SPINK5: variants seen among roughly 807,000 people sequenced by gnomAD.
The protein encoded by SPINK5 is serine peptidase inhibitor Kazal type 5.
Under a neutral mutation model 151.8 loss-of-function variants are expected in SPINK5, and 125 were observed. The observed-to-expected ratio is 0.82, with a 90% CI of 0.71 to 0.96. The LOEUF (loss-of-function observed/expected upper bound fraction) is 0.96. SPINK5 is among the 40% of genes least tolerant of loss of function. SPINK5 has a pLI of 0.00. For missense variants in SPINK5, 1,194 were observed against 1,291.9 expected, an observed-to-expected ratio of 0.92 and a Z score of 1.16; for synonymous variants, 374 against 395.3, an observed-to-expected ratio of 0.95 and a Z score of 0.64.
intron 4 of SPINK5, among the ~76,000 whole-genome samples, chr5:148,076,679 G>T (rs536973266): frequency 1.3e-5 from 2 of 151,432 alleles, no homozygotes; most frequent in African/African-American, 4.8e-5. Flanking sequence ...ATGTATTCAG[G>T]ATACTAAAAA....
intron 4 of SPINK5, among the ~76,000 whole-genome samples, chr5:148,075,842 C>A (rs2127196289): frequency 6.6e-6 from 1 of 151,862 alleles, no homozygotes; most frequent in South Asian, 2.1e-4. Context: ...TCAGCAAAGG[C>A]ATTGCCATTG....
chr5:148,112,705 C>A (rs1753973452), intron 19 of SPINK5, among the ~76,000 whole-genome samples, 163 bp from the exon 20 acceptor site: 2 of 148,876 alleles, frequency 1.3e-5, no homozygotes, highest in African/African-American at 5.0e-5. Context: ...AACAAAAGGA[C>A]AAGAACAATG....
At chr5:148,099,134 C>A in intron 11 of SPINK5, 100 bp from the exon 12 acceptor site, 1 of 1,099,946 alleles carries the variant, frequency 9.1e-7, no homozygotes, top group Non-Finnish European at 1.3e-6. Flanking sequence ...CAAAATTGTT[C>A]CACTCTAAGG....
In SPINK5 at chr5:148,113,483, C is replaced by T. The variant is rs140859088; in HGVS notation, c.1887+549C>T. On this transcript the variant is annotated intron_variant, in intron 20 of 32. Transcript: ENST00000256084. ...TTGTTTTTGGATTACCACATTTGGTCAACACATGTGTTCCTTGCTTTACCT... is the reference window on the plus strand; with the variant it reads ...TTGTTTTTGGATTACCACATTTGGTTAACACATGTGTTCCTTGCTTTACCT... Among the ~76,000 whole-genome samples the T allele has an allele frequency of 2.9e-3, 448 of 152,256 alleles. 2 individuals carry two copies. Among genetic ancestry groups the T allele is most frequent in the African/African-American group, 0.01 (425 of 41,540 alleles).
Position 148,099,120 on chromosome 5 carries a change from G to A in SPINK5, c.1011-114G>A. 5.4e-6 allele frequency: 5 copies of A among 920,980 alleles called. No individual in the cohort carries two copies. The South Asian group carries it at 5.9e-5, about 11-fold the overall frequency. 57.1% of individuals were successfully genotyped at this position (920,980 alleles called of 1,614,324 possible). A position where few individuals can be genotyped will look rare whatever the true frequency, so the allele number is the denominator to read the frequency against. On this transcript the variant is annotated intron_variant, in intron 11 of 32. Transcript: ENST00000256084. ...CTTCTCATTGATATGCAGTGATAAA[G>A]GGACAAAATTGTTCCACTCTAAGGA...
chr5:148,078,774 T>G (rs1486660320), intron 4 of SPINK5, among the ~76,000 whole-genome samples: 1 of 150,816 alleles, frequency 6.6e-6, no homozygotes, highest in Non-Finnish European at 1.5e-5. Flanking sequence ...CTTACTGGAC[T>G]TGTCTAAAGC....
chr5:148,089,702 A>T (rs1357675540), intron 7 of SPINK5, 81 bp downstream of exon 7: 1 of 1,598,252 alleles, frequency 6.3e-7, no homozygotes, highest in Non-Finnish European at 8.6e-7. Context: ...GAGAGATAAA[A>T]TCCTTTTCAT....
chr5:148,080,278 G>A (rs6890477), intron 4 of SPINK5, among the ~76,000 whole-genome samples: 8,005 of 151,318 alleles, frequency 0.053, 694 homozygotes, highest in African/African-American at 0.18. Flanking sequence ...GTTCATAGAT[G>A]AGAAAACTCA....
intron 22 of SPINK5, among the ~76,000 whole-genome samples, chr5:148,117,544 TGA>T (rs1313223983): frequency 4.7e-4 from 72 of 152,290 alleles, no homozygotes; most frequent in African/African-American, 1.5e-3. Flanking sequence ...TCTGAATAAA[TGA>T]GTGAGGATGT....
chr5:148,072,268 C>T lies in SPINK5; in HGVS notation c.282+48C>T. The T allele has an allele frequency of 1.9e-6, 3 of 1,572,772 alleles. No individual in the cohort carries two copies. In the South Asian group the frequency reaches 3.3e-5, roughly 17 times the overall value. On this transcript the variant is annotated intron_variant, in intron 4 of 32. Transcript: ENST00000256084. Reference sequence around the variant, plus strand: ...TGTTTACTTTTGAGAGGATGTTTGACTCTATTTAGAGCTATCTGTTTATTC... The same window carrying T: ...TGTTTACTTTTGAGAGGATGTTTGATTCTATTTAGAGCTATCTGTTTATTC...
chr5:148,126,887 T>G (rs748520409), intron 29 of SPINK5, 96 bp from the exon 30 acceptor site: 5 of 1,072,064 alleles, frequency 4.7e-6, no homozygotes, highest in East Asian at 2.7e-5. Context: ...CTACCATGCC[T>G]GGCCTCTGTC....
At chr5:148,114,974 TATA>T (rs1227215079) in intron 21 of SPINK5, among the ~76,000 whole-genome samples, 1 of 152,202 alleles carries the variant, frequency 6.6e-6, no homozygotes, top group Non-Finnish European at 1.5e-5. Context: ...GTACAATGTG[TATA>T]ATGTGTATAA....
At chr5:148,073,856 ACACAC>A (rs1437003385) in intron 4 of SPINK5, among the ~76,000 whole-genome samples, 14 of 143,276 alleles carry the variant, frequency 9.8e-5, no homozygotes, top group African/African-American at 3.0e-4. Context: ...ACACACACAC[ACACAC>A]AAAACTGTAA....
At position 148,127,114 on chromosome 5, in the gene SPINK5, A is replaced by G. The variant is rs769234867; in HGVS notation, c.2964+35A>G. The G allele has an allele frequency of 8.9e-6, 14 of 1,569,626 alleles. No individual in the cohort carries two copies. The Admixed American group carries it at 1.2e-4, about 13-fold the overall frequency. On this transcript the variant is annotated intron_variant, in intron 30 of 32. Transcript: ENST00000256084. The stretch of plus-strand genomic sequence containing the variant: ...ACTATTTCTGAAAAGCTACTTATCA[A>G]TTTAATTTTCTTGATTTTTTTTGAC...
chr5:148,105,023 T>A (rs1176149901), intron 16 of SPINK5, 23 bp downstream of exon 16: 1 of 1,611,090 alleles, frequency 6.2e-7, no homozygotes, highest in South Asian at 1.1e-5. Flanking sequence ...GGAATGCTGA[T>A]GCTGTGCCCT....
intron 16 of SPINK5, among the ~76,000 whole-genome samples, chr5:148,106,510 A>C (rs1444161903): frequency 6.6e-6 from 1 of 151,310 alleles, no homozygotes; most frequent in Non-Finnish European, 1.5e-5. Context: ...TTTTATTTTG[A>C]ATTTTTCTGT....
At chr5:148,118,250 C>T (rs1341535449) in intron 22 of SPINK5, among the ~76,000 whole-genome samples, 187 bp from the exon 23 acceptor site, 1 of 152,158 alleles carries the variant, frequency 6.6e-6, no homozygotes, top group Non-Finnish European at 1.5e-5. Context: ...AACTCCTGAC[C>T]TCATGATCCA....
At chr5:148,111,387 G>A (rs1432937299) in intron 18 of SPINK5, among the ~76,000 whole-genome samples, 1 of 152,104 alleles carries the variant, frequency 6.6e-6, no homozygotes, top group Non-Finnish European at 1.5e-5. Context: ...TATCTGAAAA[G>A]CCCTTTTTGC....
intron 12 of SPINK5, among the ~76,000 whole-genome samples, chr5:148,100,070 T>G (rs1753595961): frequency 6.6e-6 from 1 of 152,134 alleles, no homozygotes; most frequent in Non-Finnish European, 1.5e-5. Context: ...CACTTTTTTT[T>G]GCCCAGTCAA....
Sources: allele counts gnomAD v4.1 joint callset (sites outside exome capture counted in the v4.1 genomes callset), GRCh38; gene constraint gnomAD v4.1.1; transcripts MANE v1.5; gene names NCBI Gene and HGNC (gene_info 2026-07-23, HGNC 2026-07-21).